The following TAFA4 variants were observed in gnomAD, a reference collection of about 807,000 sequenced individuals.
TAFA4 encodes the protein chemokine-like protein TAFA-4.
In TAFA4, 20 loss-of-function variants were observed where a neutral mutation model predicts 21.1. That is an observed-to-expected ratio of 0.95 (90% confidence interval 0.67 to 1.38). The LOEUF (loss-of-function observed/expected upper bound fraction) is 1.38, where lower values mean the gene tolerates loss of function less well. Among genes scored for constraint, TAFA4 ranks in the 40% most tolerant of loss-of-function variants. TAFA4 has a pLI of 0.00. For synonymous variants in TAFA4, 71 were observed against 67.4 expected (o/e 1.05, Z -0.26); for missense variants, 211 against 180.9 (o/e 1.17, Z -0.95).
intron 3 of TAFA4, among the ~76,000 whole-genome samples, chr3:68,829,007 G>A (rs1291132469): frequency 6.6e-6 from 1 of 151,990 alleles, no homozygotes; most frequent in Admixed American, 6.6e-5. Context: ...GATATTGGCA[G>A]TATGATATTG....
At chr3:68,858,794 C>T (rs540326092) in intron 3 of TAFA4, among the ~76,000 whole-genome samples, 1 of 152,036 alleles carries the variant, frequency 6.6e-6, no homozygotes, top group East Asian at 1.9e-4. Context: ...ACCCTAGAGC[C>T]CAAACTCTTA....
chr3:68,809,194 T>C (rs1027120531), intron 3 of TAFA4, among the ~76,000 whole-genome samples: 1 of 152,224 alleles, frequency 6.6e-6, no homozygotes, highest in Non-Finnish European at 1.5e-5. Context: ...CAACAATCCA[T>C]TTACAGGTAT....
intron 3 of TAFA4, among the ~76,000 whole-genome samples, chr3:68,875,655 C>T (rs974378572): frequency 1.3e-5 from 2 of 151,832 alleles, no homozygotes; most frequent in African/African-American, 4.8e-5. Flanking sequence ...TTTCACTTAC[C>T]CCAGTGGGTA....
At chr3:68,831,768 GA>G (rs1317640922) in intron 3 of TAFA4, among the ~76,000 whole-genome samples, 1 of 152,162 alleles carries the variant, frequency 6.6e-6, no homozygotes, top group Non-Finnish European at 1.5e-5. Context: ...ATAATATCCT[GA>G]AGAGTGTTTT....
intron 3 of TAFA4, among the ~76,000 whole-genome samples, chr3:68,775,326 A>G (rs1703030005): frequency 6.6e-6 from 1 of 152,158 alleles, no homozygotes; most frequent in Non-Finnish European, 1.5e-5. Context: ...ATAAGCTGTC[A>G]CTGTGAAATA....
At chr3:68,928,542 C>T (rs539413531) in intron 1 of TAFA4, among the ~76,000 whole-genome samples, 6 of 152,214 alleles carry the variant, frequency 3.9e-5, no homozygotes, top group Admixed American at 3.9e-4. Context: ...CAAATTGCGT[C>T]ACCCTGCCCA....
At chr3:68,818,470 G>A (rs754833051) in intron 3 of TAFA4, among the ~76,000 whole-genome samples, 2 of 152,178 alleles carry the variant, frequency 1.3e-5, no homozygotes, top group Non-Finnish European at 2.9e-5. Flanking sequence ...TTCACTGTTT[G>A]GTGCAAGAGG....
At chr3:68,928,379 T>A (rs2090128896) in intron 1 of TAFA4, among the ~76,000 whole-genome samples, 1 of 152,222 alleles carries the variant, frequency 6.6e-6, no homozygotes, top group South Asian at 2.1e-4. Context: ...TACTGGCTTT[T>A]ATAGCAACTA....
At chr3:68,897,816 A>T (rs2089807288) in intron 1 of TAFA4, among the ~76,000 whole-genome samples, 2 of 151,932 alleles carry the variant, frequency 1.3e-5, no homozygotes, top group African/African-American at 4.8e-5. Flanking sequence ...TCTTTACCCA[A>T]CCTACTTGCC....
chr3:68,813,381 G>C (rs1006726989), intron 3 of TAFA4, among the ~76,000 whole-genome samples: 3 of 152,092 alleles, frequency 2.0e-5, no homozygotes, highest in Non-Finnish European at 2.9e-5. Context: ...ATGAATCCAG[G>C]AGCTGGTTTT....
intron 3 of TAFA4, among the ~76,000 whole-genome samples, chr3:68,817,328 C>G (rs1053870861): frequency 6.6e-6 from 1 of 152,170 alleles, no homozygotes; most frequent in African/African-American, 2.4e-5. Flanking sequence ...GACTCTACTT[C>G]TAACTCTCTT....
intron 3 of TAFA4, among the ~76,000 whole-genome samples, chr3:68,805,090 C>T (rs970346420): frequency 1.3e-5 from 2 of 152,094 alleles, no homozygotes; most frequent in Admixed American, 6.5e-5. Context: ...CTACAATGAA[C>T]TCAAACAAAT....
intron 1 of TAFA4, among the ~76,000 whole-genome samples, chr3:68,900,203 C>A (rs1416064801): frequency 6.7e-6 from 1 of 149,318 alleles, no homozygotes; most frequent in Non-Finnish European, 1.5e-5. Context: ...GATTGCACCA[C>A]TGTACTTCAG....
At chr3:68,757,251 T>C (rs1702675942) in intron 3 of TAFA4, among the ~76,000 whole-genome samples, 3 of 152,166 alleles carry the variant, frequency 2.0e-5, no homozygotes, top group African/African-American at 7.2e-5. Flanking sequence ...TGTCCTCACA[T>C]GGAGGACAGA....
intron 1 of TAFA4, among the ~76,000 whole-genome samples, chr3:68,916,397 A>G (rs577236542): frequency 6.6e-6 from 1 of 152,290 alleles, no homozygotes; most frequent in South Asian, 2.1e-4. Context: ...GGCCCTCAGT[A>G]TCTGTCTTCG....
chr3:68,741,791 CAAAAAA>C (rs1158204495), intron 4 of TAFA4, among the ~76,000 whole-genome samples: 1 of 148,968 alleles, frequency 6.7e-6, no homozygotes, highest in African/African-American at 2.5e-5. Flanking sequence ...GACTCCATCT[CAAAAAA>C]AAATAAAAAT....
chr3:68,905,099 T>C (rs999623988), intron 1 of TAFA4, among the ~76,000 whole-genome samples: 1 of 150,724 alleles, frequency 6.6e-6, no homozygotes, highest in African/African-American at 2.4e-5. Context: ...TGCTACACAC[T>C]ACCTCCAGAC....
rs117242319 is a variant in TAFA4 at position 68,928,824 on chromosome 3, A to G, written c.-123+3416T>C. Among the ~76,000 whole-genome samples, 61 of 152,142 alleles carry G rather than the reference A, an allele frequency of 4.0e-4. No homozygotes were observed. In the East Asian group the frequency reaches 0.01, roughly 25 times the overall value. On this transcript the variant is annotated intron_variant, in intron 1 of 5. Transcript: ENST00000295569. ...AAAGTGCACTGGGCTAGGAATTAGG[A>G]CTCCGGGATTCTAATCCCAGGTTTT...
At chr3:68,741,919 T>TACAAAAAAGAAAATTA (rs1702364375) in intron 4 of TAFA4, among the ~76,000 whole-genome samples, 1 of 152,116 alleles carries the variant, frequency 6.6e-6, no homozygotes, top group Admixed American at 6.6e-5. Context: ...ATTAGGACAC[T>TACAAAAAAGAAAATTA]ACAAAAAAGA....
Sources: allele counts gnomAD v4.1 joint callset (sites outside exome capture counted in the v4.1 genomes callset), GRCh38; gene constraint gnomAD v4.1.1; transcripts MANE v1.5; gene names NCBI Gene and HGNC (gene_info 2026-07-23, HGNC 2026-07-21).